Variants in FSTL4 observed in about 807,000 individuals in gnomAD.
FSTL4 encodes follistatin-related protein 4.
A neutral mutation model predicts 78.2 loss-of-function variants in FSTL4; 28 were observed. The ratio of observed to expected loss-of-function variants is 0.36; its 90% CI spans 0.27 to 0.49. FSTL4 has a LOEUF of 0.49. Among genes scored for constraint, FSTL4 ranks in the 20% least tolerant of loss-of-function variants. The probability of loss-of-function intolerance (pLI) is 0.98; values close to 1 mark genes in which losing one functional copy is unlikely to be tolerated. For synonymous variants in FSTL4, 422 were observed against 440.5 expected, an observed-to-expected ratio of 0.96 and a Z score of 0.53; for missense variants, 922 against 1,084.9, an observed-to-expected ratio of 0.85 and a Z score of 2.11.
chr5:133,643,616 C>T, the FSTL4 span, among the ~76,000 whole-genome samples: 1 of 152,172 alleles, frequency 6.6e-6, no homozygotes, highest in African/African-American at 2.4e-5. Flanking sequence ...AAACACAGGA[C>T]TCAATCCACC....
At chr5:133,369,609 C>T (rs775063843) in intron 4 of FSTL4, among the ~76,000 whole-genome samples, 46 of 152,212 alleles carry the variant, frequency 3.0e-4, no homozygotes, top group Non-Finnish European at 5.9e-5. Context: ...CCTGACACAG[C>T]CCCTCCCACT....
chr5:133,359,818 C>T (rs1755030300), intron 4 of FSTL4, among the ~76,000 whole-genome samples: 1 of 152,204 alleles, frequency 6.6e-6, no homozygotes, highest in African/African-American at 2.4e-5. Context: ...GCCCCTTTTC[C>T]TACCCGTTCT....
intron 3 of FSTL4, among the ~76,000 whole-genome samples, chr5:133,536,699 T>G (rs171548): frequency 0.078 from 11,883 of 152,158 alleles, 563 homozygotes; most frequent in Non-Finnish European, 0.099. Context: ...TTGCCAAATA[T>G]TATGTGCCTG....
chr5:133,227,196 A>G (rs1428141), intron 8 of FSTL4, among the ~76,000 whole-genome samples: 1 of 152,204 alleles, frequency 6.6e-6, no homozygotes, highest in Non-Finnish European at 1.5e-5. Context: ...CCAAAACAAT[A>G]AAGTCAGAGT....
intron 4 of FSTL4, among the ~76,000 whole-genome samples, chr5:133,349,319 G>T (rs1188976867): frequency 1.3e-5 from 2 of 151,918 alleles, no homozygotes; most frequent in Admixed American, 1.3e-4. Flanking sequence ...GTGTGTGTGT[G>T]TGTGTGTGTG....
chr5:133,703,424 TA>T, the FSTL4 span, among the ~76,000 whole-genome samples: 4 of 152,170 alleles, frequency 2.6e-5, no homozygotes, highest in African/African-American at 9.7e-5. Context: ...GACTGTCACT[TA>T]GACAAGAGCC....
the FSTL4 span, among the ~76,000 whole-genome samples, chr5:133,741,286 A>T: frequency 6.6e-6 from 1 of 152,250 alleles, no homozygotes; most frequent in Non-Finnish European, 1.5e-5. Context: ...ATGAAAGAGC[A>T]AGATGGGTAG....
At chr5:133,545,321 A>G (rs152076) in intron 3 of FSTL4, among the ~76,000 whole-genome samples, 10,973 of 152,252 alleles carry the variant, frequency 0.072, 534 homozygotes, top group Non-Finnish European at 0.099. Context: ...CCACTCTCGC[A>G]GGACTGGATT....
At position 133,603,876 on chromosome 5, in the gene FSTL4, C is replaced by G. The variant is rs377424526; in HGVS notation, c.108G>C (p.Val36=). The G allele has an allele frequency of 1.6e-4, 266 of 1,614,048 alleles. No individual in the cohort carries two copies. The highest frequency in any genetic ancestry group is 2.1e-4 in the Non-Finnish European group (249 of 1,180,016). Residue 36 remains valine (V), a synonymous_variant, in exon 2 of 16, where the codon GTG becomes GTC. Coordinates refer to ENST00000265342, the MANE Select transcript of FSTL4 (RefSeq NM_015082.2). ...ACTATACCTCTGCCTGTGACTCCCCCACACCCACATCCGGGCCTCTGCTGG... is the reference window on the plus strand; with the variant it reads ...ACTATACCTCTGCCTGTGACTCCCCGACACCCACATCCGGGCCTCTGCTGG... ...PGTSRGPDVG[V]GESQAEEPRS...
intron 3 of FSTL4, among the ~76,000 whole-genome samples, chr5:133,517,479 CCACACACACA>C (rs70974086): frequency 3.6e-5 from 2 of 55,532 alleles, no homozygotes; most frequent in Non-Finnish European, 6.3e-5. Context: ...CACACACACA[CCACACACACA>C]CACACACACA....
the FSTL4 span, among the ~76,000 whole-genome samples, chr5:133,767,104 G>A: frequency 2.6e-5 from 4 of 152,200 alleles, no homozygotes; most frequent in South Asian, 2.1e-4. Context: ...AGCAAAGGTA[G>A]TATATTTAGG....
chr5:133,233,645 T>C (rs1751567651), intron 7 of FSTL4, 108 bp from the exon 8 acceptor site: 2 of 1,367,726 alleles, frequency 1.5e-6, no homozygotes, highest in Non-Finnish European at 1.0e-6. Flanking sequence ...GAGAGTTCCT[T>C]TCTGCCTGGC....
At chr5:133,659,581 TC>T in the FSTL4 span, among the ~76,000 whole-genome samples, 3 of 151,264 alleles carry the variant, frequency 2.0e-5, no homozygotes, top group Non-Finnish European at 4.4e-5. Flanking sequence ...TTATTGTAAT[TC>T]CTATTATAAA....
At chr5:133,299,923 C>G (rs1400606344) in intron 6 of FSTL4, among the ~76,000 whole-genome samples, 1 of 152,184 alleles carries the variant, frequency 6.6e-6, no homozygotes, top group East Asian at 1.9e-4. Flanking sequence ...CACTGGGTTG[C>G]CTCCAGGGCT....
intron 6 of FSTL4, among the ~76,000 whole-genome samples, chr5:133,283,452 T>C (rs1222130891): frequency 6.6e-6 from 1 of 152,178 alleles, no homozygotes; most frequent in African/African-American, 2.4e-5. Context: ...GAGGAGTCTA[T>C]TACATGGTCC....
At chr5:133,410,400 C>T (rs1016451533) in intron 3 of FSTL4, among the ~76,000 whole-genome samples, 43 of 152,238 alleles carry the variant, frequency 2.8e-4, no homozygotes, top group African/African-American at 1.0e-3. Flanking sequence ...TGTTGCTGCT[C>T]TCCACGGTCT....
At chr5:133,686,170 C>A in the FSTL4 span, among the ~76,000 whole-genome samples, 1 of 152,314 alleles carries the variant, frequency 6.6e-6, no homozygotes, top group South Asian at 2.1e-4. Flanking sequence ...CCCTTACTGG[C>A]CTTGGGAAAA....
the FSTL4 span, among the ~76,000 whole-genome samples, chr5:133,683,644 T>C: frequency 6.6e-6 from 1 of 152,208 alleles, no homozygotes; most frequent in Non-Finnish European, 1.5e-5. Context: ...TATTCCTAAC[T>C]GGCCATTTAT....
the FSTL4 span, among the ~76,000 whole-genome samples, chr5:133,745,752 G>A: frequency 6.6e-6 from 1 of 152,326 alleles, no homozygotes; most frequent in East Asian, 1.9e-4. Context: ...TGTCAGCTTT[G>A]TTAAAACTAC....
Sources: allele counts gnomAD v4.1 joint callset (sites outside exome capture counted in the v4.1 genomes callset), GRCh38; gene constraint gnomAD v4.1.1; transcripts MANE v1.5; gene names NCBI Gene and HGNC (gene_info 2026-07-23, HGNC 2026-07-21).